Variants in ATRNL1 observed in about 807,000 individuals in gnomAD.
The protein encoded by ATRNL1 is attractin-like protein 1.
Under a neutral mutation model 182.7 loss-of-function variants are expected in ATRNL1, and 95 were observed. That is an observed-to-expected ratio of 0.52 (90% CI 0.44 to 0.62). The LOEUF is 0.62. Ranked by LOEUF, ATRNL1 falls within the 20% of genes least tolerant of loss-of-function variation. The pLI, the probability that ATRNL1 is intolerant of heterozygous loss-of-function variation, is 0.00. For missense variants in ATRNL1, 1,471 were observed against 1,679.5 expected, an observed-to-expected ratio of 0.88 and a Z score of 2.17; for synonymous variants, 576 against 568.3, an observed-to-expected ratio of 1.01 and a Z score of -0.19.
At chr10:115,681,073 A>G (rs1408650216) in intron 26 of ATRNL1, among the ~76,000 whole-genome samples, 1 of 152,154 alleles carries the variant, frequency 6.6e-6, no homozygotes, top group African/African-American at 2.4e-5. Flanking sequence ...CAAAATTTAC[A>G]TTACGTACCT....
intron 13 of ATRNL1, among the ~76,000 whole-genome samples, chr10:115,272,240 G>A (rs540047969): frequency 2.0e-5 from 3 of 152,152 alleles, no homozygotes; most frequent in Non-Finnish European, 4.4e-5. Context: ...TGCAAGAATG[G>A]CCCAACACAC....
In ATRNL1 at chr10:115,796,536, T is replaced by G. The variant is rs561502164; in HGVS notation, c.3904-51341T>G. 3.9e-5 allele frequency among the ~76,000 whole-genome samples: 6 copies of G among 152,346 alleles called. No homozygotes were observed. In the South Asian group the frequency reaches 1.2e-3, roughly 32 times the overall value. On this transcript the variant is annotated intron_variant, in intron 27 of 28. Coordinates refer to ENST00000355044, the MANE Select transcript of ATRNL1 (RefSeq NM_207303.4). ...AAGGAACCACATTTTTTCCATCTTT[T>G]TATTCTCAGTTCTTAACAAAGTATC...
intron 23 of ATRNL1, among the ~76,000 whole-genome samples, chr10:115,468,044 A>G (rs1430151793): frequency 6.6e-6 from 1 of 150,782 alleles, no homozygotes; most frequent in African/African-American, 2.4e-5. Flanking sequence ...ATGGATACAT[A>G]GAATTCAAGA....
Position 115,268,339 on chromosome 10 carries a change from C to T in ATRNL1, c.1995C>T (p.Asp665=). 6.2e-7 allele frequency: 1 copy of T among 1,609,360 alleles called. No individual in the cohort carries two copies. The highest frequency in any genetic ancestry group is 8.5e-7 in the Non-Finnish European group (1 of 1,175,848). The change falls in exon 13 of 29, where the codon GAC becomes GAT. Residue 665 remains aspartate, a synonymous_variant. Coordinates refer to ENST00000355044, the MANE Select transcript of ATRNL1 (RefSeq NM_207303.4). Reference sequence around the variant, plus strand: ...TTTGTATTATAGCTGCTTCTGATGACAGATGTTACAGATATGCAGATTGTG... The same window carrying T: ...TTTGTATTATAGCTGCTTCTGATGATAGATGTTACAGATATGCAGATTGTG... ...KCPPKTAASD[D]RCYRYADCAS...
chr10:115,599,052 A>G (rs975107838), intron 26 of ATRNL1, among the ~76,000 whole-genome samples: 1 of 152,240 alleles, frequency 6.6e-6, no homozygotes, highest in African/African-American at 2.4e-5. Flanking sequence ...TCACTGAGTT[A>G]TGCAGGTCTT....
At chr10:115,217,288 A>G (rs750512163) in intron 9 of ATRNL1, among the ~76,000 whole-genome samples, 15 of 152,060 alleles carry the variant, frequency 9.9e-5, no homozygotes, top group Middle Eastern at 3.2e-3. Context: ...GGGTTTCACT[A>G]TGTTGGTAAG....
chr10:115,731,341 T>C (rs1328791246), intron 27 of ATRNL1, among the ~76,000 whole-genome samples: 2 of 152,194 alleles, frequency 1.3e-5, no homozygotes, highest in African/African-American at 4.8e-5. Context: ...AGGGAACAAA[T>C]GACTCATTCT....
intron 27 of ATRNL1, among the ~76,000 whole-genome samples, chr10:115,780,228 C>T (rs1555078988): frequency 2.0e-5 from 3 of 152,174 alleles, no homozygotes; most frequent in Admixed American, 6.5e-5. Context: ...CAAAACCAGG[C>T]TGAACTCAGC....
intron 8 of ATRNL1, among the ~76,000 whole-genome samples, chr10:115,204,594 A>G (rs189580758): frequency 1.3e-5 from 2 of 152,144 alleles, no homozygotes; most frequent in East Asian, 3.9e-4. Context: ...ACATTAATTG[A>G]TTTTTGCATA....
At chr10:115,936,839 A>G (rs1417821511) in intron 28 of ATRNL1, among the ~76,000 whole-genome samples, 1 of 152,192 alleles carries the variant, frequency 6.6e-6, no homozygotes, top group Non-Finnish European at 1.5e-5. Flanking sequence ...AGAAAATACT[A>G]GAAAATATTT....
chr10:115,744,680 C>A (rs1452189498), intron 27 of ATRNL1, among the ~76,000 whole-genome samples: 3 of 152,022 alleles, frequency 2.0e-5, no homozygotes, highest in African/African-American at 7.2e-5. Context: ...CTCTAATCAG[C>A]CTCCCACTGT....
intron 25 of ATRNL1, among the ~76,000 whole-genome samples, chr10:115,535,103 G>T (rs375848953): frequency 2.7e-5 from 4 of 150,348 alleles, no homozygotes; most frequent in Admixed American, 2.6e-4. Context: ...TGCTCTTCTC[G>T]AGGAGTATCT....
intron 26 of ATRNL1, among the ~76,000 whole-genome samples, chr10:115,672,282 C>T (rs1405661061): frequency 1.3e-5 from 2 of 152,030 alleles, no homozygotes; most frequent in African/African-American, 4.8e-5. Context: ...AAGTGACTTG[C>T]CCTAGATTAA....
At chr10:115,822,523 T>C (rs1157852422) in intron 27 of ATRNL1, among the ~76,000 whole-genome samples, 1 of 151,974 alleles carries the variant, frequency 6.6e-6, no homozygotes, top group Non-Finnish European at 1.5e-5. Flanking sequence ...ACAAAATAGA[T>C]AGGCCACTAG....
intron 24 of ATRNL1, among the ~76,000 whole-genome samples, chr10:115,498,718 G>C (rs1189354819): frequency 1.3e-5 from 2 of 151,580 alleles, no homozygotes; most frequent in Non-Finnish European, 2.9e-5. Context: ...TAAAATTTTA[G>C]TCGTTTTGTT....
chr10:115,631,483 G>A (rs1489540108), intron 26 of ATRNL1, among the ~76,000 whole-genome samples: 1 of 152,018 alleles, frequency 6.6e-6, no homozygotes, highest in Non-Finnish European at 1.5e-5. Context: ...GACAATGTAT[G>A]CTATCATATG....
intron 27 of ATRNL1, among the ~76,000 whole-genome samples, chr10:115,797,478 C>T (rs1555083256): frequency 1.3e-5 from 2 of 152,122 alleles, no homozygotes; most frequent in African/African-American, 4.8e-5. Context: ...CAGGCATCCA[C>T]AGCCCACCAA....
intron 19 of ATRNL1, among the ~76,000 whole-genome samples, chr10:115,368,551 A>G (rs985898156): frequency 6.6e-6 from 1 of 152,028 alleles, no homozygotes; most frequent in African/African-American, 2.4e-5. Flanking sequence ...CTCGCAGTAC[A>G]TTGTTTTTAG....
chr10:115,629,223 A>T (rs903827682), intron 26 of ATRNL1, among the ~76,000 whole-genome samples: 6 of 152,322 alleles, frequency 3.9e-5, no homozygotes, highest in Non-Finnish European at 8.8e-5. Flanking sequence ...ATAGACTTGA[A>T]TATGATACTG....
Sources: gnomAD v4.1 joint callset for allele counts (sites outside exome capture counted in the v4.1 genomes callset) on GRCh38, gnomAD v4.1.1 for gene constraint, MANE v1.5 for transcripts, NCBI Gene and HGNC (gene_info 2026-07-23, HGNC 2026-07-21) for gene names.